Variants in RPS6KC1 observed in about 807,000 individuals in gnomAD.
RPS6KC1 encodes ribosomal protein S6 kinase C1, also known as inactive ribosomal protein S6 kinase delta-1.
In RPS6KC1, 54 loss-of-function variants were observed where a neutral mutation model predicts 103.8. That is an observed-to-expected ratio of 0.52 (90% confidence interval 0.42 to 0.65). The LOEUF (loss-of-function observed/expected upper bound fraction) is 0.65. Ranked by LOEUF, RPS6KC1 falls within the 30% of genes least tolerant of loss-of-function variation. The pLI is 0.00. For missense variants in RPS6KC1, 1,151 were observed against 1,253.8 expected, an observed-to-expected ratio of 0.92 and a Z score of 1.24; for synonymous variants, 439 against 438.7, an observed-to-expected ratio of 1.00 and a Z score of -0.01.
chr1:213,121,126 G>A (rs2084334132), intron 5 of RPS6KC1, among the ~76,000 whole-genome samples: 1 of 152,214 alleles, frequency 6.6e-6, no homozygotes, highest in Admixed American at 6.5e-5. Flanking sequence ...TAGAAATGGG[G>A]TCTCACTGTG....
chr1:213,654,381 GA>G, the RPS6KC1 span, among the ~76,000 whole-genome samples: 1 of 152,178 alleles, frequency 6.6e-6, no homozygotes, highest in African/African-American at 2.4e-5. Context: ...ATGTAGGTCA[GA>G]AAGCAATAAA....
the RPS6KC1 span, among the ~76,000 whole-genome samples, chr1:213,778,296 T>C: frequency 2.6e-5 from 4 of 152,212 alleles, no homozygotes; most frequent in African/African-American, 9.6e-5. Flanking sequence ...CCAGGTGGTA[T>C]GCAGATTTTC....
chr1:213,579,847 G>A, the RPS6KC1 span, among the ~76,000 whole-genome samples: 10 of 152,098 alleles, frequency 6.6e-5, no homozygotes, highest in South Asian at 2.1e-4. Context: ...TTAAGTCTAC[G>A]TTCGAGAATT....
chr1:213,413,043 C>G, the RPS6KC1 span, among the ~76,000 whole-genome samples: 1 of 152,206 alleles, frequency 6.6e-6, no homozygotes, highest in Non-Finnish European at 1.5e-5. Context: ...TCAAGAATGT[C>G]TGTCTCATTT....
chr1:213,096,283 C>CT lies in RPS6KC1; in HGVS notation c.263-8170dup, dbSNP rs376500084. Reference sequence around the variant, plus strand: ...GCAATTCAGTCACGTCTTCAGGCTCCTCTTCCAGTTTTCATTCTCTTGCTA... The same window carrying CT: ...GCAATTCAGTCACGTCTTCAGGCTCCTTCTTCCAGTTTTCATTCTCTTGCTA... On this transcript the variant is annotated intron_variant, in intron 3 of 14. Coordinates refer to ENST00000366960, the MANE Select transcript of RPS6KC1 (RefSeq NM_012424.6). Among the ~76,000 whole-genome samples the CT allele has an allele frequency of 2.3e-4, 35 of 152,332 alleles. 1 individual carries two copies. Among genetic ancestry groups the CT allele is most frequent in the African/African-American group, 7.0e-4 (29 of 41,572 alleles).
At chr1:213,300,359 T>C in the RPS6KC1 span, among the ~76,000 whole-genome samples, 1 of 152,180 alleles carries the variant, frequency 6.6e-6, no homozygotes, top group African/African-American at 2.4e-5. Context: ...AAGTCCCACC[T>C]AGATTCAAGG....
the RPS6KC1 span, among the ~76,000 whole-genome samples, chr1:213,363,675 T>C: frequency 8.6e-4 from 83 of 96,124 alleles, 11 homozygotes; most frequent in South Asian, 4.7e-3. Flanking sequence ...TCTTTCTTTC[T>C]TTCTTTCTTT....
chr1:213,786,453 A>G, the RPS6KC1 span, among the ~76,000 whole-genome samples: 1 of 152,296 alleles, frequency 6.6e-6, no homozygotes, highest in Middle Eastern at 3.4e-3. Context: ...GTGAGTAGAT[A>G]CCTTCTGACT....
At chr1:213,856,226 G>A in the RPS6KC1 span, among the ~76,000 whole-genome samples, 1 of 152,196 alleles carries the variant, frequency 6.6e-6, no homozygotes, top group Admixed American at 6.5e-5. Flanking sequence ...TGGCTGGAAT[G>A]TGTCGGGTCC....
At chr1:213,332,371 T>C in the RPS6KC1 span, among the ~76,000 whole-genome samples, 1 of 152,228 alleles carries the variant, frequency 6.6e-6, no homozygotes, top group Admixed American at 6.5e-5. Flanking sequence ...CTGCACTAGC[T>C]GTCATTTTGA....
chr1:213,237,919 G>A (rs932439312), intron 10 of RPS6KC1, among the ~76,000 whole-genome samples: 4 of 151,822 alleles, frequency 2.6e-5, no homozygotes, highest in South Asian at 2.1e-4. Context: ...TTGGAAGAAC[G>A]TACGGCCCCC....
the RPS6KC1 span, among the ~76,000 whole-genome samples, chr1:213,315,246 G>A: frequency 6.6e-6 from 1 of 152,138 alleles, no homozygotes; most frequent in Admixed American, 6.5e-5. Context: ...GGCAAAAGTC[G>A]AATCCCAGGT....
chr1:213,254,920 A>G (rs920377296), intron 12 of RPS6KC1, among the ~76,000 whole-genome samples: 4 of 152,194 alleles, frequency 2.6e-5, no homozygotes, highest in Admixed American at 2.6e-4. Flanking sequence ...GGAATGGGGC[A>G]TGCCCAGAAA....
At chr1:213,167,704 T>C (rs1245937075) in intron 6 of RPS6KC1, among the ~76,000 whole-genome samples, 154 bp from the exon 7 acceptor site, 1 of 152,240 alleles carries the variant, frequency 6.6e-6, no homozygotes, top group Non-Finnish European at 1.5e-5. Flanking sequence ...TTAGACTTGG[T>C]TGATACTAAT....
At chr1:213,781,481 A>G in the RPS6KC1 span, among the ~76,000 whole-genome samples, 10 of 152,354 alleles carry the variant, frequency 6.6e-5, no homozygotes, top group Non-Finnish European at 1.2e-4. Flanking sequence ...AGAAAGACAC[A>G]GAAAAGCTTG....
intron 6 of RPS6KC1, among the ~76,000 whole-genome samples, chr1:213,132,539 A>AC (rs1390946316): frequency 6.6e-6 from 1 of 152,170 alleles, no homozygotes; most frequent in Middle Eastern, 3.2e-3. Flanking sequence ...CACCTAACAG[A>AC]CATATGGACA....
chr1:213,059,225 A>G (rs1333667292), intron 1 of RPS6KC1, among the ~76,000 whole-genome samples: 1 of 152,232 alleles, frequency 6.6e-6, no homozygotes, highest in Admixed American at 6.5e-5. Flanking sequence ...CTGACTTATT[A>G]GTTCTAAGAC....
chr1:213,227,056 GT>G lies in RPS6KC1; in HGVS notation c.1045-3437del, dbSNP rs1183475159. Among the ~76,000 whole-genome samples the G allele has an allele frequency of 2.0e-5, 3 of 152,184 alleles. No individual in the cohort carries two copies. The East Asian group carries it at 5.8e-4, about 29-fold the overall frequency. ...GAGTGCACTCCAGAGAGTACAATCA[GT>G]TTTATGCTTATTTCCTTATCTGTAA... On this transcript the variant is annotated intron_variant, in intron 8 of 14. Coordinates refer to ENST00000366960, the MANE Select transcript of RPS6KC1 (RefSeq NM_012424.6).
At chr1:213,759,620 A>G in the RPS6KC1 span, among the ~76,000 whole-genome samples, 4 of 151,584 alleles carry the variant, frequency 2.6e-5, no homozygotes, top group South Asian at 8.3e-4. Flanking sequence ...TGGTAAGTGC[A>G]CATCACCTCT....
Sources: gnomAD v4.1 joint callset for allele counts (sites outside exome capture counted in the v4.1 genomes callset) on GRCh38, gnomAD v4.1.1 for gene constraint, MANE v1.5 for transcripts, NCBI Gene and HGNC (gene_info 2026-07-23, HGNC 2026-07-21) for gene names.